The following JAKMIP2 variants were observed in gnomAD, a reference collection of about 807,000 sequenced individuals.
JAKMIP2 encodes the protein janus kinase and microtubule interacting protein 2, also known as janus kinase and microtubule-interacting protein 2.
In JAKMIP2, 25 loss-of-function variants were observed where a neutral mutation model predicts 115.0. The observed-to-expected ratio is 0.22, with a 90% confidence interval of 0.16 to 0.30. The LOEUF (loss-of-function observed/expected upper bound fraction) is 0.30, where lower values mean the gene tolerates loss of function less well. JAKMIP2 is among the 10% of genes least tolerant of loss of function. JAKMIP2 has a pLI of 1.00. For missense variants in JAKMIP2, 642 were observed against 957.6 expected (o/e 0.67, Z 4.35); for synonymous variants, 334 against 343.6 (o/e 0.97, Z 0.31).
At chr5:147,654,093 A>C (rs1021801312) in intron 3 of JAKMIP2, among the ~76,000 whole-genome samples, 1 of 150,964 alleles carries the variant, frequency 6.6e-6, no homozygotes, top group South Asian at 2.1e-4. Flanking sequence ...TACCAGTACT[A>C]TGCTGTTTTG....
rs1468580713 is a variant in JAKMIP2 at position 147,644,934 on chromosome 5, G to A, written c.999C>T (p.Leu333=). Residue 333 remains leucine, a synonymous_variant, in exon 6 of 22, where the codon CTC becomes CTT. Coordinates refer to ENST00000616793, the MANE Select transcript of JAKMIP2 (RefSeq NM_001270941.2). ...CCATCAGTTCATCGTTTCTCTTGGC[G>A]AGGCACTTGTTCCTTTCCAGGAGAG... ...CKPLLERNKC[L]AKRNDELMVS... is the part of the protein sequence containing the mutation. The A allele has an allele frequency of 9.9e-6, 16 of 1,613,536 alleles. 1 individual carries two copies. In the South Asian group the frequency reaches 1.4e-4, roughly 14 times the overall value.
rs1480111627 is a variant in JAKMIP2 at position 147,764,965 on chromosome 5, A to G, written c.-149+17491T>C. On this transcript the variant is annotated intron_variant, in intron 1 of 21. Coordinates refer to ENST00000616793, the MANE Select transcript of JAKMIP2 (RefSeq NM_001270941.2). ...GAGAGAGGGAGAGAGAGAGAGAGAG[A>G]GGGGGAGAGAGAGAGAGAGAGAGAG... is the stretch of plus-strand genomic sequence containing the variant. 8.8e-4 allele frequency among the ~76,000 whole-genome samples: 39 copies of G among 44,526 alleles called. 1 individual carries two copies. Among genetic ancestry groups the G allele is most frequent in the Middle Eastern group, 0.017 (1 of 60 alleles). 29.2% of individuals were successfully genotyped at this position (44,526 alleles called of 152,430 possible).
intron 1 of JAKMIP2, among the ~76,000 whole-genome samples, chr5:147,708,103 T>C (rs1353650637): frequency 6.6e-6 from 1 of 152,194 alleles, no homozygotes; most frequent in African/African-American, 2.4e-5. Flanking sequence ...TCAAAGATTA[T>C]GAAATTATTT....
intron 3 of JAKMIP2, among the ~76,000 whole-genome samples, chr5:147,657,265 G>C (rs1175167145): frequency 6.6e-6 from 1 of 151,234 alleles, no homozygotes; most frequent in Non-Finnish European, 1.5e-5. Flanking sequence ...GGGTGACAGA[G>C]CGAGACTCCG....
chr5:147,721,352 C>T (rs1230345604), intron 1 of JAKMIP2, among the ~76,000 whole-genome samples: 7 of 152,230 alleles, frequency 4.6e-5, no homozygotes, highest in African/African-American at 1.4e-4. Flanking sequence ...GCAGGCAAGC[C>T]TCCTTGAGCT....
intron 3 of JAKMIP2, chr5:147,660,342 T>C (rs1295072014): frequency 9.2e-6 from 3 of 326,814 alleles, no homozygotes; most frequent in Non-Finnish European, 1.8e-5. Flanking sequence ...AGGGATGACA[T>C]CCAATTTAAA....
Position 147,671,704 on chromosome 5 carries a change from T to C in JAKMIP2, c.103A>G (p.Ile35Val). Reference protein sequence around the residue: ...DLRTKLTDIQIELHQEKSKVS... With the variant: ...DLRTKLTDIQVELHQEKSKVS... ...TTGGACTTCTCTTGATGCAGCTCTA[T>C]CTGAATGTCTGTGAGCTTGGTCCTG... The change falls in exon 2 of 22, where the codon ATA becomes GTA. Residue 35 changes from isoleucine to valine, a missense_variant. Transcript: ENST00000616793. 1 of 1,565,884 alleles carries C rather than the reference T, an allele frequency of 6.4e-7. No individual in the cohort carries two copies. Among genetic ancestry groups the C allele is most frequent in the African/African-American group, 1.4e-5 (1 of 72,654 alleles).
rs1648891867 is a variant in JAKMIP2 at position 147,612,290 on chromosome 5, T to G, written c.2412+16A>C. The G allele has an allele frequency of 1.2e-5, 18 of 1,449,430 alleles. No homozygotes were observed. The highest frequency in any genetic ancestry group is 1.7e-5 in the Non-Finnish European group (18 of 1,035,996). 89.8% of individuals were successfully genotyped at this position (1,449,430 alleles called of 1,614,324 possible). ...ATTAAACAAATAATAAGATAGTTAT[T>G]GAATTTGACACCTACCTTTTCTTCT... On this transcript the variant is annotated intron_variant, in intron 20 of 21. Coordinates refer to ENST00000616793, the MANE Select transcript of JAKMIP2 (RefSeq NM_001270941.2).
chr5:147,659,315 A>G (rs1028979413), intron 3 of JAKMIP2, among the ~76,000 whole-genome samples: 1 of 152,152 alleles, frequency 6.6e-6, no homozygotes, highest in Admixed American at 6.5e-5. Context: ...CACTTCCCAC[A>G]TGAAGCGACG....
chr5:147,680,788 G>A (rs1053717556), intron 1 of JAKMIP2, among the ~76,000 whole-genome samples: 2 of 152,182 alleles, frequency 1.3e-5, no homozygotes, highest in African/African-American at 4.8e-5. Context: ...AGGAGAGAGG[G>A]CTGCTATTTA....
intron 20 of JAKMIP2, among the ~76,000 whole-genome samples, chr5:147,604,605 G>T (rs1015479622): frequency 1.3e-5 from 2 of 152,020 alleles, no homozygotes; most frequent in African/African-American, 4.8e-5. Context: ...AACCATTATT[G>T]CAGGAAGGGC....
chr5:147,604,379 T>C (rs570356924), intron 20 of JAKMIP2, among the ~76,000 whole-genome samples: 1 of 152,290 alleles, frequency 6.6e-6, no homozygotes, highest in African/African-American at 2.4e-5. Flanking sequence ...ATGGAACCCA[T>C]GGGAAGAAGA....
chr5:147,664,594 C>T (rs1042848668), intron 2 of JAKMIP2, among the ~76,000 whole-genome samples: 1 of 152,176 alleles, frequency 6.6e-6, no homozygotes, highest in Non-Finnish European at 1.5e-5. Flanking sequence ...TCATGCCACC[C>T]TACTCACCCA....
At chr5:147,628,264 C>A (rs775110917) in intron 16 of JAKMIP2, among the ~76,000 whole-genome samples, 6 of 152,074 alleles carry the variant, frequency 3.9e-5, no homozygotes, top group Non-Finnish European at 5.9e-5. Context: ...AAGGTGGAGC[C>A]AGAGCTCAGT....
chr5:147,611,758 G>A (rs1294691305), intron 20 of JAKMIP2, among the ~76,000 whole-genome samples: 2 of 152,102 alleles, frequency 1.3e-5, no homozygotes, highest in Non-Finnish European at 2.9e-5. Flanking sequence ...ATTTCCAAGT[G>A]CCCTCTGTAA....
intron 1 of JAKMIP2, among the ~76,000 whole-genome samples, chr5:147,737,943 G>T (rs1480006273): frequency 6.6e-6 from 1 of 152,024 alleles, no homozygotes; most frequent in Non-Finnish European, 1.5e-5. Context: ...TCAGATATTG[G>T]TCCTCCCACG....
intron 2 of JAKMIP2, among the ~76,000 whole-genome samples, chr5:147,668,754 T>C (rs1759433995): frequency 6.6e-6 from 1 of 152,204 alleles, no homozygotes. Flanking sequence ...GATACTATTA[T>C]TGTCCCATTT....
intron 18 of JAKMIP2, among the ~76,000 whole-genome samples, chr5:147,620,160 T>C (rs1025020126): frequency 6.6e-6 from 1 of 152,180 alleles, no homozygotes; most frequent in African/African-American, 2.4e-5. Flanking sequence ...AGTGGCACGA[T>C]CACAACTCAC....
chr5:147,705,624 C>G (rs1398714832), intron 1 of JAKMIP2, among the ~76,000 whole-genome samples: 1 of 151,948 alleles, frequency 6.6e-6, no homozygotes, highest in Non-Finnish European at 1.5e-5. Context: ...ATCATCTCTA[C>G]CTTGGGCGTC....
Sources: allele counts gnomAD v4.1 joint callset (sites outside exome capture counted in the v4.1 genomes callset), GRCh38; gene constraint gnomAD v4.1.1; transcripts MANE v1.5; gene names NCBI Gene and HGNC (gene_info 2026-07-23, HGNC 2026-07-21).